The following THSD7B variants were observed in gnomAD, a reference collection of about 807,000 sequenced individuals.
The protein encoded by THSD7B is thrombospondin type 1 domain containing 7B.
THSD7B carries 138 observed loss-of-function variants against 213.6 expected under a neutral mutation model. The ratio of observed to expected loss-of-function variants is 0.65; its 90% CI spans 0.56 to 0.74. THSD7B has a LOEUF of 0.74. THSD7B is among the 30% of genes least tolerant of loss of function. The pLI, the probability that THSD7B is intolerant of heterozygous loss-of-function variation, is 0.00. For synonymous variants in THSD7B, 742 were observed against 687.0 expected, an observed-to-expected ratio of 1.08 and a Z score of -1.25; for missense variants, 1,931 against 1,991.5, an observed-to-expected ratio of 0.97 and a Z score of 0.58.
intron 21 of THSD7B, among the ~76,000 whole-genome samples, chr2:137,647,305 G>C (rs763018940): frequency 1.3e-5 from 2 of 152,152 alleles, no homozygotes; most frequent in Non-Finnish European, 2.9e-5. Flanking sequence ...ATAGTTGTCA[G>C]ACTGTCATCT....
intron 1 of THSD7B, among the ~76,000 whole-genome samples, chr2:136,793,957 T>G (rs959876259): frequency 3.3e-5 from 5 of 151,392 alleles, no homozygotes; most frequent in African/African-American, 1.2e-4. Context: ...TTTTCATACA[T>G]TTTGGTAATT....
intron 1 of THSD7B, among the ~76,000 whole-genome samples, chr2:136,842,433 A>G (rs1031299573): frequency 6.6e-6 from 1 of 152,232 alleles, no homozygotes; most frequent in African/African-American, 2.4e-5. Context: ...GATGAGTATC[A>G]GTTCACAGAT....
At chr2:137,308,226 C>T (rs1292204348) in intron 12 of THSD7B, among the ~76,000 whole-genome samples, 2 of 151,790 alleles carry the variant, frequency 1.3e-5, no homozygotes, top group East Asian at 1.9e-4. Flanking sequence ...ATGGCTCTGC[C>T]CTATTTGAGG....
At chr2:137,279,235 ATATT>A (rs1682940322) in intron 12 of THSD7B, among the ~76,000 whole-genome samples, 1 of 152,096 alleles carries the variant, frequency 6.6e-6, no homozygotes, top group African/African-American at 2.4e-5. Flanking sequence ...TGGTAAAAAT[ATATT>A]TTTTAACATA....
intron 2 of THSD7B, among the ~76,000 whole-genome samples, chr2:136,891,870 A>G (rs1307348331): frequency 6.6e-6 from 1 of 152,228 alleles, no homozygotes; most frequent in Non-Finnish European, 1.5e-5. Flanking sequence ...TCAGTGGGTC[A>G]TTAGGCCCTG....
chr2:137,388,739 A>G (rs1055694911), intron 12 of THSD7B, among the ~76,000 whole-genome samples: 1 of 152,104 alleles, frequency 6.6e-6, no homozygotes, highest in Admixed American at 6.6e-5. Flanking sequence ...CAGCTTATTT[A>G]GCACCTACAT....
At chr2:137,568,076 G>A (rs538846623) in intron 16 of THSD7B, among the ~76,000 whole-genome samples, 1 of 152,210 alleles carries the variant, frequency 6.6e-6, no homozygotes, top group African/African-American at 2.4e-5. Flanking sequence ...AAGGCTTTTT[G>A]GTTTACTGAG....
At chr2:137,279,259 G>A (rs1349414418) in intron 12 of THSD7B, among the ~76,000 whole-genome samples, 1 of 152,104 alleles carries the variant, frequency 6.6e-6, no homozygotes, top group Non-Finnish European at 1.5e-5. Flanking sequence ...AAACTGGCCA[G>A]GTGTGATAGC....
chr2:137,535,770 C>T (rs573535340), intron 15 of THSD7B, among the ~76,000 whole-genome samples: 43 of 151,532 alleles, frequency 2.8e-4, no homozygotes, highest in African/African-American at 9.7e-4. Context: ...GTTTGGAGGA[C>T]AGAATGATCA....
At chr2:137,457,700 A>G (rs1254289599) in intron 15 of THSD7B, among the ~76,000 whole-genome samples, 2 of 152,220 alleles carry the variant, frequency 1.3e-5, no homozygotes, top group Non-Finnish European at 2.9e-5. Context: ...TCAGTCTGTC[A>G]TTTAAGCTTT....
intron 15 of THSD7B, among the ~76,000 whole-genome samples, chr2:137,468,932 CCTTTTTATTGACTA>C (rs1194045135): frequency 6.6e-6 from 1 of 152,014 alleles, no homozygotes; most frequent in African/African-American, 2.4e-5. Context: ...AGAGATTGGA[CCTTTTTATTGACTA>C]CTGAATTGCT....
At chr2:137,397,955 G>A (rs1317718772) in intron 12 of THSD7B, among the ~76,000 whole-genome samples, 16 of 77,314 alleles carry the variant, frequency 2.1e-4, no homozygotes, top group African/African-American at 5.1e-4. Context: ...CCAGTTGATC[G>A]CATCGGCTCC....
chr2:137,470,696 C>A (rs1688074989), intron 15 of THSD7B, among the ~76,000 whole-genome samples: 1 of 152,028 alleles, frequency 6.6e-6, no homozygotes, highest in African/African-American at 2.4e-5. Context: ...TGTTTGCTAC[C>A]AGCTGTCAAT....
intron 17 of THSD7B, among the ~76,000 whole-genome samples, chr2:137,573,525 G>C (rs1681400153): frequency 6.6e-6 from 1 of 151,946 alleles, no homozygotes; most frequent in Non-Finnish European, 1.5e-5. Flanking sequence ...GTTGTTTTTA[G>C]AGCAATATAA....
In THSD7B at chr2:137,479,523, G is replaced by A. The variant is rs545963258; in HGVS notation, c.3138+28500G>A. 1.8e-4 allele frequency: 71 copies of A among 398,486 alleles called. No homozygotes were observed. In the East Asian group the frequency reaches 2.5e-3, roughly 14 times the overall value. 24.7% of individuals were successfully genotyped at this position (398,486 alleles called of 1,614,324 possible). A position where few individuals can be genotyped will look rare whatever the true frequency, so the allele number is the denominator to read the frequency against. ...TGCTGGGGAAAGTGGGGTTCCTTTC[G>A]CTGGGAGCAGCCTTAGGCAGGTGGC... On this transcript the variant is annotated intron_variant, in intron 15 of 27. Transcript: ENST00000409968.
chr2:136,812,918 A>G (rs1047537533), intron 1 of THSD7B, among the ~76,000 whole-genome samples: 1 of 152,232 alleles, frequency 6.6e-6, no homozygotes, highest in African/African-American at 2.4e-5. Context: ...GCAAGTTCAT[A>G]TAAGTAGTCA....
intron 26 of THSD7B, among the ~76,000 whole-genome samples, chr2:137,664,556 G>A (rs1683413083): frequency 1.3e-5 from 2 of 152,148 alleles, no homozygotes. Context: ...GTGTCCTGTG[G>A]CTCTGTGCTG....
rs547430044 is a variant in THSD7B, at chr2:137,554,748, G to A, written c.3139-8473G>A. Among the ~76,000 whole-genome samples, 9 of 152,296 alleles carry A rather than the reference G, an allele frequency of 5.9e-5. No homozygotes were observed. In the South Asian group the frequency reaches 1.7e-3, roughly 28 times the overall value. On this transcript the variant is annotated intron_variant, in intron 15 of 27. Coordinates refer to ENST00000409968, the MANE Select transcript of THSD7B (RefSeq NM_001316349.2). Reference sequence around the variant, plus strand: ...CCGAGCGTGAGCCAAAGCAGGGCAAGGCATCACCTCACCCGGGAAGCACAA... The same window carrying A: ...CCGAGCGTGAGCCAAAGCAGGGCAAAGCATCACCTCACCCGGGAAGCACAA...
intron 4 of THSD7B, 104 bp from the exon 5 acceptor site, chr2:137,115,020 T>C (rs1688419281): frequency 7.6e-7 from 1 of 1,319,530 alleles, no homozygotes; most frequent in Non-Finnish European, 1.1e-6. Flanking sequence ...GATTTGGCCC[T>C]AGAAAGAGAG....
Sources: allele counts gnomAD v4.1 joint callset (sites outside exome capture counted in the v4.1 genomes callset), GRCh38; gene constraint gnomAD v4.1.1; transcripts MANE v1.5; gene names NCBI Gene and HGNC (gene_info 2026-07-23, HGNC 2026-07-21).